SEMA5A: variants seen among roughly 807,000 people sequenced by gnomAD.
The protein encoded by SEMA5A is semaphorin-5A.
SEMA5A carries 55 observed loss-of-function variants against 135.5 expected under a neutral mutation model. The observed-to-expected ratio is 0.41, with a 90% CI of 0.33 to 0.51. SEMA5A has a LOEUF of 0.51. SEMA5A is among the 20% of genes least tolerant of loss of function. The pLI is 0.37. For synonymous variants in SEMA5A, 580 were observed against 546.5 expected (o/e 1.06, Z -0.85); for missense variants, 1,290 against 1,419.9 (o/e 0.91, Z 1.47).
At chr5:9,540,375 G>A (rs1372938082) in intron 1 of SEMA5A, among the ~76,000 whole-genome samples, 1 of 151,292 alleles carries the variant, frequency 6.6e-6, no homozygotes, top group African/African-American at 2.4e-5. Context: ...GGATCACGAG[G>A]TCAGGAGATC....
intron 16 of SEMA5A, among the ~76,000 whole-genome samples, chr5:9,087,181 A>G (rs944198742): frequency 2.0e-5 from 3 of 152,208 alleles, no homozygotes; most frequent in African/African-American, 7.2e-5. Flanking sequence ...TGCTCCCTAA[A>G]TCGGACCCCA....
At chr5:9,176,761 C>T (rs1744227851) in intron 11 of SEMA5A, among the ~76,000 whole-genome samples, 1 of 152,126 alleles carries the variant, frequency 6.6e-6, no homozygotes, top group Admixed American at 6.6e-5. Context: ...CCAAGGATGG[C>T]CACTCTGCCA....
intron 8 of SEMA5A, among the ~76,000 whole-genome samples, chr5:9,206,735 T>C (rs956767724): frequency 6.6e-6 from 1 of 151,756 alleles, no homozygotes; most frequent in African/African-American, 2.4e-5. Context: ...ATAAATTATT[T>C]TGCAGTCAAA....
intron 5 of SEMA5A, among the ~76,000 whole-genome samples, chr5:9,303,269 A>G (rs1684321640): frequency 6.6e-6 from 1 of 151,784 alleles, no homozygotes; most frequent in East Asian, 1.9e-4. Flanking sequence ...GGCGCCCACC[A>G]CCATGCCCGG....
At chr5:9,053,986 C>T in intron 19 of SEMA5A, 101 bp downstream of exon 19, 1 of 1,370,794 alleles carries the variant, frequency 7.3e-7, no homozygotes, top group Non-Finnish European at 9.8e-7. Context: ...ACCCCCCTTT[C>T]AGTACTTACC....
intron 1 of SEMA5A, among the ~76,000 whole-genome samples, chr5:9,526,997 G>A (rs1028294524): frequency 3.3e-5 from 5 of 152,166 alleles, no homozygotes; most frequent in African/African-American, 1.2e-4. Flanking sequence ...CAGGGTCTCA[G>A]AAGGGTTGTA....
At chr5:9,149,643 A>AAAAAC (rs1210020046) in intron 12 of SEMA5A, among the ~76,000 whole-genome samples, 2 of 152,176 alleles carry the variant, frequency 1.3e-5, no homozygotes, top group East Asian at 1.9e-4. Flanking sequence ...GACTCGTCTC[A>AAAAAC]AAAACAAAAC....
At chr5:9,494,264 T>A (rs562128426) in intron 1 of SEMA5A, among the ~76,000 whole-genome samples, 13 of 152,278 alleles carry the variant, frequency 8.5e-5, no homozygotes, top group Non-Finnish European at 1.8e-4. Context: ...AAGTTAATTA[T>A]CTTTTAGCTC....
intron 1 of SEMA5A, among the ~76,000 whole-genome samples, chr5:9,481,516 A>C (rs1759875573): frequency 6.6e-6 from 1 of 152,202 alleles, no homozygotes; most frequent in African/African-American, 2.4e-5. Context: ...AAACCAACAT[A>C]GTCCTGTTCA....
At chr5:9,494,938 C>A (rs1735224773) in intron 1 of SEMA5A, among the ~76,000 whole-genome samples, 1 of 152,100 alleles carries the variant, frequency 6.6e-6, no homozygotes, top group Non-Finnish European at 1.5e-5. Context: ...ACAAATGCAA[C>A]CTTTGACATA....
At chr5:9,242,578 G>C (rs1227994783) in intron 5 of SEMA5A, among the ~76,000 whole-genome samples, 1 of 152,112 alleles carries the variant, frequency 6.6e-6, no homozygotes, top group African/African-American at 2.4e-5. Context: ...GTATGCAAAG[G>C]CAAAAGAATG....
At position 9,224,654 on chromosome 5, in the gene SEMA5A, G is replaced by C. The variant is rs1324378300; in HGVS notation, c.646+20C>G. The C allele has an allele frequency of 6.2e-7, 1 of 1,609,368 alleles. No individual in the cohort carries two copies. Among genetic ancestry groups the C allele is most frequent in the African/African-American group, 1.3e-5 (1 of 74,846 alleles). ...TCAAAGACAAATGAGGTGAGAAAGA[G>C]GGAGTGACGGAAGGCTTACCATTGA... is the stretch of plus-strand genomic sequence containing the variant. On this transcript the variant is annotated intron_variant, in intron 8 of 22. Coordinates refer to ENST00000382496, the MANE Select transcript of SEMA5A (RefSeq NM_003966.3).
chr5:9,113,203 T>C (rs1740336710), intron 15 of SEMA5A, among the ~76,000 whole-genome samples: 1 of 152,176 alleles, frequency 6.6e-6, no homozygotes, highest in African/African-American at 2.4e-5. Flanking sequence ...TGTGGTAATG[T>C]TATTATATAA....
At chr5:9,108,417 T>C in intron 15 of SEMA5A, 130 bp from the exon 16 acceptor site, 1 of 1,018,974 alleles carries the variant, frequency 9.8e-7, no homozygotes, top group Non-Finnish European at 1.4e-6. Context: ...CTTTTTGTAT[T>C]TTGAGCAGTT....
intron 16 of SEMA5A, among the ~76,000 whole-genome samples, chr5:9,101,274 A>AG (rs1406760696): frequency 6.6e-6 from 1 of 152,200 alleles, no homozygotes; most frequent in Non-Finnish European, 1.5e-5. Context: ...CACACAGTGT[A>AG]GTGGGGGAAA....
At chr5:9,529,574 A>T (rs1046690938) in intron 1 of SEMA5A, among the ~76,000 whole-genome samples, 2 of 152,254 alleles carry the variant, frequency 1.3e-5, no homozygotes, top group Non-Finnish European at 2.9e-5. Context: ...TATTTCAGAC[A>T]TTGACCTATA....
chr5:9,315,798 C>T (rs2150661175), intron 5 of SEMA5A, among the ~76,000 whole-genome samples: 1 of 152,214 alleles, frequency 6.6e-6, no homozygotes, highest in Non-Finnish European at 1.5e-5. Context: ...TCCCCTTGAC[C>T]TTTGACTATT....
rs1339719377 is a variant in SEMA5A, at chr5:9,055,067, C to A, written c.2519-810G>T. ...AATTCTTTAGGCTGGGCTCTTGGTA[C>A]CTGTAGACCCGCCTGCTGAATGCTG... On this transcript the variant is annotated intron_variant, in intron 18 of 22. Coordinates refer to ENST00000382496, the MANE Select transcript of SEMA5A (RefSeq NM_003966.3). Among the ~76,000 whole-genome samples the A allele has an allele frequency of 3.9e-5, 6 of 152,284 alleles. No individual in the cohort carries two copies. The East Asian group carries it at 1.2e-3, about 29-fold the overall frequency.
intron 1 of SEMA5A, among the ~76,000 whole-genome samples, chr5:9,507,831 C>T (rs75341569): frequency 0.067 from 10,244 of 151,898 alleles, 400 homozygotes; most frequent in South Asian, 0.1. Context: ...GGTGAAACCC[C>T]GTCTCTTCTA....
Sources: allele counts gnomAD v4.1 joint callset (sites outside exome capture counted in the v4.1 genomes callset), GRCh38; gene constraint gnomAD v4.1.1; transcripts MANE v1.5; gene names NCBI Gene and HGNC (gene_info 2026-07-23, HGNC 2026-07-21).